ABHD12: variants seen among roughly 807,000 people sequenced by gnomAD.
ABHD12 encodes the protein abhydrolase domain containing 12, lysophospholipase, also known as lysophosphatidylserine lipase ABHD12.
In ABHD12, 43 loss-of-function variants were observed where a neutral mutation model predicts 58.3. The observed-to-expected ratio is 0.74, with a 90% CI of 0.58 to 0.95. ABHD12 has a LOEUF of 0.95. Among genes scored for constraint, ABHD12 ranks in the 40% least tolerant of loss-of-function variants. The probability of loss-of-function intolerance (pLI) is 0.00; values close to 1 mark genes in which losing one functional copy is unlikely to be tolerated. For synonymous variants in ABHD12, 219 were observed against 211.2 expected (o/e 1.04, Z -0.32); for missense variants, 539 against 537.2 (o/e 1.00, Z -0.03).
At chr20:25,355,781 TCTC>T (rs2089659796) in intron 1 of ABHD12, among the ~76,000 whole-genome samples, 1 of 152,138 alleles carries the variant, frequency 6.6e-6, no homozygotes, top group South Asian at 2.1e-4. Context: ...ATGGTCTCAA[TCTC>T]CTGATCTCGT....
intron 1 of ABHD12, among the ~76,000 whole-genome samples, chr20:25,347,776 A>G (rs901839873): frequency 6.6e-6 from 1 of 152,112 alleles, no homozygotes; most frequent in African/African-American, 2.4e-5. Context: ...AAATCTCTTC[A>G]GCAAGTCTGA....
At chr20:25,370,186 T>C (rs1450539436) in intron 1 of ABHD12, among the ~76,000 whole-genome samples, 2 of 152,184 alleles carry the variant, frequency 1.3e-5, no homozygotes, top group Non-Finnish European at 2.9e-5. Flanking sequence ...GTCACAGTGA[T>C]GCATCAGATC....
At chr20:25,322,381 A>ATATATATATTT in intron 3 of ABHD12, among the ~76,000 whole-genome samples, 22 of 59,260 alleles carry the variant, frequency 3.7e-4, no homozygotes, top group African/African-American at 1.8e-3. Context: ...ATATATATAT[A>ATATATATATTT]TTTTTTTTTT....
intron 1 of ABHD12, among the ~76,000 whole-genome samples, chr20:25,362,552 C>A (rs1429820757): frequency 8.2e-6 from 1 of 122,338 alleles, no homozygotes; most frequent in Non-Finnish European, 1.6e-5. Context: ...GGTCACAGAG[C>A]GAGACTCTGT....
At chr20:25,327,476 A>AT (rs796261480) in intron 2 of ABHD12, among the ~76,000 whole-genome samples, 70 of 152,174 alleles carry the variant, frequency 4.6e-4, no homozygotes, top group African/African-American at 1.6e-3. Flanking sequence ...CAAAAAAAAA[A>AT]AAAAAGAAAG....
At chr20:25,381,228 T>C (rs1191992270) in intron 1 of ABHD12, among the ~76,000 whole-genome samples, 1 of 152,178 alleles carries the variant, frequency 6.6e-6, no homozygotes, top group Non-Finnish European at 1.5e-5. Context: ...ACACCCAGAC[T>C]GTGCACACAC....
chr20:25,294,801 T>C, exon 13 of ABHD12: 1 of 728,318 alleles, frequency 1.4e-6, no homozygotes, highest in Non-Finnish European at 2.5e-6. Flanking sequence ...GTATGGTTTA[T>C]CTAGAGTTAC....
intron 1 of ABHD12, among the ~76,000 whole-genome samples, chr20:25,358,107 T>C (rs1568757622): frequency 6.6e-6 from 1 of 152,186 alleles, no homozygotes; most frequent in Non-Finnish European, 1.5e-5. Context: ...TTCCTAATCA[T>C]GTTGGAAGTC....
chr20:25,374,156 G>T (rs937854524), intron 1 of ABHD12, among the ~76,000 whole-genome samples: 1 of 151,732 alleles, frequency 6.6e-6, no homozygotes, highest in Non-Finnish European at 1.5e-5. Context: ...AGATTCCTGG[G>T]CTCAAGTGAT....
chr20:25,318,995 G>A (rs2089016410), intron 4 of ABHD12, among the ~76,000 whole-genome samples: 1 of 152,158 alleles, frequency 6.6e-6, no homozygotes, highest in Non-Finnish European at 1.5e-5. Context: ...GAAGGGCCCA[G>A]CACAGCTCTC....
chr20:25,379,901 G>C (rs1476983223), intron 1 of ABHD12, among the ~76,000 whole-genome samples: 6 of 151,896 alleles, frequency 4.0e-5, no homozygotes, highest in Admixed American at 3.3e-4. Flanking sequence ...CATTGCCCAG[G>C]CTGGTCTCAG....
At chr20:25,366,997 T>C (rs1410491536) in intron 1 of ABHD12, among the ~76,000 whole-genome samples, 9 of 152,180 alleles carry the variant, frequency 5.9e-5, no homozygotes, top group Non-Finnish European at 7.3e-5. Context: ...ACGAGATCTC[T>C]GTATATTTTT....
rs566326650 is a variant in ABHD12, at chr20:25,383,226, G to T, written c.191+7287C>A. Among the ~76,000 whole-genome samples, 3 of 152,312 alleles carry T rather than the reference G, an allele frequency of 2.0e-5. No individual in the cohort carries two copies. The South Asian group carries it at 6.2e-4, about 32-fold the overall frequency. ...TCAGCCACCCACTCTTCTGGGTTAG[G>T]GGGAAGCCATTAGCAACCTTGGATA... On this transcript the variant is annotated intron_variant, in intron 1 of 12. Transcript: ENST00000339157.
At chr20:25,313,912 GC>G (rs2088911624) in intron 6 of ABHD12, among the ~76,000 whole-genome samples, 2 of 152,046 alleles carry the variant, frequency 1.3e-5, no homozygotes, top group Non-Finnish European at 2.9e-5. Flanking sequence ...TCAGTGGCAA[GC>G]CCTGGTTCAT....
downstream of ABHD12, chr20:25,297,089 G>C (rs1214144928): frequency 6.3e-6 from 1 of 158,256 alleles, no homozygotes; most frequent in Admixed American, 6.0e-5. Flanking sequence ...CCTCTGTCCT[G>C]GCTCTGCACC....
At chr20:25,362,155 C>T (rs2089758405) in intron 1 of ABHD12, among the ~76,000 whole-genome samples, 1 of 152,032 alleles carries the variant, frequency 6.6e-6, no homozygotes. Context: ...TGGCACATGC[C>T]TGTAATTCCA....
chr20:25,305,086 TG>T, intron 10 of ABHD12, among the ~76,000 whole-genome samples: 1 of 152,110 alleles, frequency 6.6e-6, no homozygotes, highest in East Asian at 1.9e-4. Flanking sequence ...AGGGTGATCT[TG>T]AACTCCTGAC....
chr20:25,306,180 CAAAAAA>C (rs11474922), intron 10 of ABHD12, among the ~76,000 whole-genome samples: 2 of 137,596 alleles, frequency 1.5e-5, no homozygotes, highest in Non-Finnish European at 3.2e-5. Context: ...AAAACAAAAA[CAAAAAA>C]AAAAAAAAGA....
chr20:25,380,300 T>C (rs548245483), intron 1 of ABHD12, among the ~76,000 whole-genome samples: 70 of 152,326 alleles, frequency 4.6e-4, no homozygotes, highest in Admixed American at 9.2e-4. Flanking sequence ...TCGCTCTTGT[T>C]GCCCAGGCTG....
Sources: allele counts gnomAD v4.1 joint callset (sites outside exome capture counted in the v4.1 genomes callset), GRCh38; gene constraint gnomAD v4.1.1; transcripts MANE v1.5; gene names NCBI Gene and HGNC (gene_info 2026-07-23, HGNC 2026-07-21).